Variants in STOX1 observed in about 807,000 individuals in gnomAD.
STOX1 encodes the protein storkhead-box protein 1.
STOX1 carries 57 observed loss-of-function variants against 74.8 expected under a neutral mutation model. The ratio of observed to expected loss-of-function variants is 0.76; its 90% CI spans 0.62 to 0.95. The LOEUF is 0.95. Ranked by LOEUF, STOX1 falls within the 40% of genes least tolerant of loss-of-function variation. The pLI is 0.00. For synonymous variants in STOX1, 375 were observed against 401.3 expected, an observed-to-expected ratio of 0.93 and a Z score of 0.78; for missense variants, 1,010 against 1,117.0, an observed-to-expected ratio of 0.90 and a Z score of 1.37.
chr10:68,848,570 T>C (rs1839908032), intron 1 of STOX1, among the ~76,000 whole-genome samples: 1 of 152,172 alleles, frequency 6.6e-6, no homozygotes, highest in African/African-American at 2.4e-5. Context: ...ACCAATTTCA[T>C]AGTGTGGTTG....
chr10:68,852,113 G>A (rs915344773), intron 1 of STOX1, among the ~76,000 whole-genome samples: 11 of 151,946 alleles, frequency 7.2e-5, no homozygotes, highest in South Asian at 2.1e-4. Context: ...CAGCCTGGGC[G>A]ACAGAGTGAG....
At chr10:68,889,348 A>G (rs1173821859) in intron 3 of STOX1, among the ~76,000 whole-genome samples, 2 of 152,152 alleles carry the variant, frequency 1.3e-5, no homozygotes, top group Non-Finnish European at 2.9e-5. Context: ...TTTTTTGTGG[A>G]GACAATATAT....
rs558986737 is a variant in STOX1 at position 68,829,552 on chromosome 10, G to A, written c.310+1619G>A. 2.0e-4 allele frequency among the ~76,000 whole-genome samples: 31 copies of A among 152,104 alleles called. No individual in the cohort carries two copies. In the East Asian group the frequency reaches 4.6e-3, roughly 23 times the overall value. Reference sequence around the variant, plus strand: ...AAGAAGAAGAAAGAAAAGAAAAAAAGCACTTATTTAATTTCCAGGGATTTG... The same window carrying A: ...AAGAAGAAGAAAGAAAAGAAAAAAAACACTTATTTAATTTCCAGGGATTTG... On this transcript the variant is annotated intron_variant, in intron 1 of 3. Transcript: ENST00000298596.
chr10:68,838,609 T>C (rs1839617185), intron 1 of STOX1, among the ~76,000 whole-genome samples: 1 of 151,998 alleles, frequency 6.6e-6, no homozygotes, highest in East Asian at 1.9e-4. Flanking sequence ...TCCAGTAATA[T>C]GTTGAAAAAA....
chr10:68,865,689 T>C (rs1221718052), intron 1 of STOX1, among the ~76,000 whole-genome samples: 1 of 152,140 alleles, frequency 6.6e-6, no homozygotes, highest in African/African-American at 2.4e-5. Context: ...TTTGGAATCA[T>C]AGCAGGAGAA....
chr10:68,886,542 G>A lies in STOX1; in HGVS notation c.2746G>A (p.Val916Ile). ...ACATATGCCAGTGTTGGCTCAGGAT[G>A]TCCAATATGAACACAGTCACTTGGA... ...TSHMPVLAQDVQYEHSHLEGT... is the reference protein window; with the variant it reads ...TSHMPVLAQDIQYEHSHLEGT... Residue 916 changes from valine to isoleucine, a missense_variant, in exon 3 of 4, where the codon GTC (valine) becomes ATC (isoleucine). Physicochemically the swap from Val to Ile is conservative, Grantham distance 29. Transcript: ENST00000298596. The A allele has an allele frequency of 6.2e-7, 1 of 1,614,182 alleles. No homozygotes were observed. The highest frequency in any genetic ancestry group is 8.5e-7 in the Non-Finnish European group (1 of 1,180,028).
At chr10:68,842,536 CTTTTTTTT>C (rs11332701) in intron 1 of STOX1, among the ~76,000 whole-genome samples, 1 of 71,970 alleles carries the variant, frequency 1.4e-5, no homozygotes, top group Non-Finnish European at 2.6e-5. Flanking sequence ...TGTACCATTT[CTTTTTTTT>C]TTTTTTTTTT....
At chr10:68,848,657 G>A (rs1564573616) in intron 1 of STOX1, among the ~76,000 whole-genome samples, 1 of 152,062 alleles carries the variant, frequency 6.6e-6, no homozygotes, top group Non-Finnish European at 1.5e-5. Context: ...GTGAATGTGA[G>A]CAGTTTGTTT....
At chr10:68,845,298 G>A (rs1176475189) in intron 1 of STOX1, among the ~76,000 whole-genome samples, 1 of 142,864 alleles carries the variant, frequency 7.0e-6, no homozygotes, top group Admixed American at 7.0e-5. Flanking sequence ...TTTTGAGATG[G>A]AATCTTGCTC....
intron 2 of STOX1, 77 bp from the exon 3 acceptor site, chr10:68,884,183 C>A: frequency 7.7e-7 from 1 of 1,294,852 alleles, no homozygotes. Context: ...AATGTGTAGT[C>A]ATTTCAGAGT....
chr10:68,872,342 C>CTTTTTTTTTT (rs72451894), intron 1 of STOX1, among the ~76,000 whole-genome samples: 37 of 89,146 alleles, frequency 4.2e-4, no homozygotes, highest in Non-Finnish European at 5.3e-4. Flanking sequence ...TTTTTCTTTT[C>CTTTTTTTTTT]TTTTTTTTTT....
At chr10:68,841,171 T>C (rs948490491) in intron 1 of STOX1, among the ~76,000 whole-genome samples, 1 of 150,726 alleles carries the variant, frequency 6.6e-6, no homozygotes, top group African/African-American at 2.4e-5. Flanking sequence ...GGTCTTGAAC[T>C]CTTGACCTCG....
intron 1 of STOX1, chr10:68,828,212 G>C (rs1409573257): frequency 1.1e-6 from 1 of 939,880 alleles, no homozygotes; most frequent in East Asian, 4.3e-5. Context: ...GGTGCTGCGC[G>C]ATGCCTGGCG....
Position 68,884,441 on chromosome 10 carries a change from AG to A in STOX1, c.646del (p.Ala216LeufsTer3), listed in dbSNP as rs1840886642. ...LPSDESRLMP[A>X]SMTYLVSMES... is the part of the protein sequence containing the mutation. ...CATCAGATGAAAGTCGCCTGATGCCAGCTTCCATGACATATCTGGTGAGCAT... is the reference window on the plus strand; with the variant it reads ...CATCAGATGAAAGTCGCCTGATGCCACTTCCATGACATATCTGGTGAGCAT... On this transcript the variant is annotated frameshift_variant, in exon 3 of 4. Transcript: ENST00000298596. LOFTEE classifies it high-confidence loss of function. 6.2e-7 allele frequency: 1 copy of A among 1,613,868 alleles called. No homozygotes were observed. Among genetic ancestry groups the A allele is most frequent in the Admixed American group, 1.7e-5 (1 of 60,006 alleles).
In STOX1 at chr10:68,892,688, A is replaced by G; in HGVS notation, c.2922A>G (p.Pro974=). 10 of 1,613,982 alleles carry G rather than the reference A, an allele frequency of 6.2e-6. No homozygotes were observed. Among genetic ancestry groups the G allele is most frequent in the Non-Finnish European group, 6.8e-6 (8 of 1,179,948 alleles). ...QNVEGTKSSQ[P]LTSNSLLPLT... is the part of the protein sequence containing the mutation. ...TCGAAGGCACAAAGAGCAGTCAACC[A>G]CTCACATCTAATTCCTTACTACCGC... The change falls in exon 4 of 4, where the codon CCA becomes CCG. Residue 974 remains proline (P), a synonymous_variant. Coordinates refer to ENST00000298596, the MANE Select transcript of STOX1 (RefSeq NM_152709.5).
chr10:68,878,845 T>G (rs1311276206), intron 1 of STOX1, among the ~76,000 whole-genome samples: 1 of 152,220 alleles, frequency 6.6e-6, no homozygotes, highest in Non-Finnish European at 1.5e-5. Flanking sequence ...AATCAAGCTT[T>G]CTTAATTCTT....
chr10:68,860,382 A>G (rs1840234291), intron 1 of STOX1, among the ~76,000 whole-genome samples: 1 of 151,388 alleles, frequency 6.6e-6, no homozygotes, highest in Non-Finnish European at 1.5e-5. Context: ...GACCAGCCTG[A>G]GCAACATGGT....
intron 1 of STOX1, among the ~76,000 whole-genome samples, chr10:68,862,925 A>G (rs574851446): frequency 6.6e-6 from 1 of 152,218 alleles, no homozygotes; most frequent in African/African-American, 2.4e-5. Flanking sequence ...TGCCTCAATT[A>G]CAGGAGCAGA....
At chr10:68,841,191 C>T (rs1372122431) in intron 1 of STOX1, among the ~76,000 whole-genome samples, 2 of 151,678 alleles carry the variant, frequency 1.3e-5, no homozygotes, top group African/African-American at 4.8e-5. Flanking sequence ...GTGATCTGCC[C>T]GCCTTGGTCT....
Sources: gnomAD v4.1 joint callset for allele counts (sites outside exome capture counted in the v4.1 genomes callset) on GRCh38, gnomAD v4.1.1 for gene constraint, MANE v1.5 for transcripts, NCBI Gene and HGNC (gene_info 2026-07-23, HGNC 2026-07-21) for gene names.